Variants in DRICH1 observed in about 807,000 individuals in gnomAD.
The protein encoded by DRICH1 is aspartate rich 1.
Under a neutral mutation model 39.5 loss-of-function variants are expected in DRICH1, and 38 were observed. The observed-to-expected ratio is 0.96, with a 90% CI of 0.74 to 1.26. The LOEUF is 1.26. DRICH1 is among the 50% of genes most tolerant of loss of function. DRICH1 has a pLI of 0.00. For missense variants in DRICH1, 279 were observed against 270.4 expected (o/e 1.03, Z -0.22); for synonymous variants, 84 against 99.5 (o/e 0.84, Z 0.93).
intron 1 of DRICH1, among the ~76,000 whole-genome samples, chr22:23,628,720 CTG>C (rs1928219775): frequency 1.3e-5 from 2 of 152,188 alleles, no homozygotes; most frequent in African/African-American, 4.8e-5. Context: ...TGGGACCTGT[CTG>C]TGTCTGTCCT....
chr22:23,617,443 C>T, intron 7 of DRICH1, 132 bp downstream of exon 7: 1 of 1,039,072 alleles, frequency 9.6e-7, no homozygotes. Context: ...TTGTTGGGCC[C>T]CCTCTCCTGG....
At chr22:23,581,770 C>T in the DRICH1 span, among the ~76,000 whole-genome samples, 5 of 150,534 alleles carry the variant, frequency 3.3e-5, no homozygotes, top group African/African-American at 1.2e-4. Flanking sequence ...CCACGACAAG[C>T]TAATTTTTGT....
In DRICH1 at chr22:23,631,942, T is replaced by C. The variant is rs778020362; in HGVS notation, c.82A>G (p.Thr28Ala). 1.2e-6 allele frequency: 2 copies of C among 1,613,764 alleles called. No homozygotes were observed. Among genetic ancestry groups the C allele is most frequent in the Non-Finnish European group, 8.5e-7 (1 of 1,180,026 alleles). ...GCAGCCACAGTCTCATAAATATCAGTATCAGATTCATAACAGGGTGCGTCC... is the reference window on the plus strand; with the variant it reads ...GCAGCCACAGTCTCATAAATATCAGCATCAGATTCATAACAGGGTGCGTCC... ...GKDAPCYESD[T>A]DIYETVAAAT... Residue 28 changes from threonine (T) to alanine (A), a missense_variant, in exon 1 of 12, where the codon ACT becomes GCT. Physicochemically the swap from Thr to Ala is moderately conservative, Grantham distance 58 (BLOSUM62 0). Coordinates refer to ENST00000317749, the MANE Select transcript of DRICH1 (RefSeq NM_016449.4).
the DRICH1 span, among the ~76,000 whole-genome samples, chr22:23,586,392 G>A: frequency 1.3e-5 from 2 of 152,162 alleles, no homozygotes; most frequent in African/African-American, 2.4e-5. Flanking sequence ...GGGAGGCTGA[G>A]GTGGGAGGAT....
At chr22:23,581,960 G>A in the DRICH1 span, among the ~76,000 whole-genome samples, 1 of 151,168 alleles carries the variant, frequency 6.6e-6, no homozygotes, top group African/African-American at 2.4e-5. Flanking sequence ...TCACAATGTC[G>A]TGCAACCATC....
At chr22:23,599,832 G>A in the DRICH1 span, among the ~76,000 whole-genome samples, 1 of 152,166 alleles carries the variant, frequency 6.6e-6, no homozygotes, top group African/African-American at 2.4e-5. Context: ...TCTGCAGCCT[G>A]AGCTCTGTAC....
downstream of DRICH1, among the ~76,000 whole-genome samples, chr22:23,604,382 C>G (rs140222902): frequency 2.9e-3 from 435 of 152,296 alleles, 2 homozygotes; most frequent in African/African-American, 9.8e-3. Flanking sequence ...CAGGCTTTCC[C>G]TGTCCCAGTC....
In DRICH1 at chr22:23,613,185, T is replaced by A. The variant is rs1055811252; in HGVS notation, c.685+104A>T. 3.6e-6 allele frequency: 3 copies of A among 839,572 alleles called. No homozygotes were observed. The African/African-American group carries it at 5.0e-5, about 14-fold the overall frequency. The allele number at this position is 839,572 out of a possible 1,614,324, so 52.0% of individuals were successfully genotyped here. On this transcript the variant is annotated intron_variant, in intron 11 of 11. Transcript: ENST00000317749. The stretch of plus-strand genomic sequence containing the variant: ...ACACATATTTCCATTTTCTTTCTGA[T>A]TTCATACCCCCTCCTTCAGCCCCTC...
chr22:23,627,288 G>A (rs1928126095), intron 1 of DRICH1, among the ~76,000 whole-genome samples: 3 of 152,040 alleles, frequency 2.0e-5, no homozygotes, highest in Admixed American at 2.0e-4. Context: ...GGCCAGGCTG[G>A]TCTCGAACTC....
intron 1 of DRICH1, among the ~76,000 whole-genome samples, chr22:23,628,100 A>T (rs150780002): frequency 6.7e-4 from 102 of 152,300 alleles, no homozygotes; most frequent in African/African-American, 2.4e-3. Flanking sequence ...ATAAGTGGAA[A>T]CTGATGTGTG....
the DRICH1 span, among the ~76,000 whole-genome samples, chr22:23,592,874 ACAC>A: frequency 1.1e-4 from 17 of 149,784 alleles, no homozygotes; most frequent in Middle Eastern, 6.4e-3. Flanking sequence ...ACACACACAC[ACAC>A]ACAAAATTAG....
At chr22:23,632,530 C>CTATG (rs1921020436), upstream of DRICH1, among the ~76,000 whole-genome samples, 1 of 152,192 alleles carries the variant, frequency 6.6e-6, no homozygotes, top group Admixed American at 6.5e-5. Flanking sequence ...TTTATTCACC[C>CTATG]TATGCTGCCT....
Position 23,632,026 on chromosome 22 carries a change from G to A in DRICH1, c.-3C>T. 2 of 1,612,442 alleles carry A rather than the reference G, an allele frequency of 1.2e-6. No individual in the cohort carries two copies. Among genetic ancestry groups the A allele is most frequent in the African/African-American group, 1.3e-5 (1 of 74,970 alleles). On this transcript the variant is annotated 5_prime_UTR_variant, in exon 1 of 12. Coordinates refer to ENST00000317749, the MANE Select transcript of DRICH1 (RefSeq NM_016449.4). ...CAACAGGTCAGTATATTCCCCATGG[G>A]GCCTCTCCATGCCTCTCCACTCCTG...
intron 11 of DRICH1, among the ~76,000 whole-genome samples, chr22:23,611,548 C>T (rs958324095): frequency 3.3e-5 from 5 of 152,074 alleles, no homozygotes; most frequent in Non-Finnish European, 5.9e-5. Context: ...CCCACCACCA[C>T]ACCCAGCTAA....
chr22:23,614,967 C>A (rs1219010705), intron 8 of DRICH1, among the ~76,000 whole-genome samples: 2 of 152,114 alleles, frequency 1.3e-5, no homozygotes, highest in Non-Finnish European at 2.9e-5. Flanking sequence ...TTTCCAGGTT[C>A]AAATATACAT....
chr22:23,628,610 C>A (rs911393779), intron 1 of DRICH1, among the ~76,000 whole-genome samples: 1 of 152,138 alleles, frequency 6.6e-6, no homozygotes, highest in East Asian at 1.9e-4. Context: ...AGCCAGACAA[C>A]CCTTGGCAAA....
the DRICH1 span, chr22:23,583,138 T>C: frequency 1.3e-5 from 2 of 152,248 alleles, no homozygotes; most frequent in Admixed American, 6.5e-5. Flanking sequence ...GTTACCTGAA[T>C]GCGTAGATAT....
upstream of DRICH1, chr22:23,632,680 G>C (rs1454774568): frequency 6.6e-6 from 1 of 152,360 alleles, no homozygotes. Context: ...GGCTGAGCGG[G>C]GGGGGTGGAT....
At chr22:23,609,579 G>GGCC (rs1926923362) in intron 11 of DRICH1, among the ~76,000 whole-genome samples, 1 of 152,122 alleles carries the variant, frequency 6.6e-6, no homozygotes, top group South Asian at 2.1e-4. Flanking sequence ...GTTTGTGCAG[G>GGCC]TGTCAGCAGG....
Sources: gnomAD v4.1 joint callset for allele counts (sites outside exome capture counted in the v4.1 genomes callset) on GRCh38, gnomAD v4.1.1 for gene constraint, MANE v1.5 for transcripts, NCBI Gene and HGNC (gene_info 2026-07-23, HGNC 2026-07-21) for gene names.